Variants in NCAM2 observed in about 807,000 individuals in gnomAD.
NCAM2 encodes the protein neural cell adhesion molecule 2.
Under a neutral mutation model 98.1 loss-of-function variants are expected in NCAM2, and 30 were observed. The observed-to-expected ratio is 0.31, with a 90% CI of 0.23 to 0.41. The LOEUF is 0.41. Among genes scored for constraint, NCAM2 ranks in the 10% least tolerant of loss-of-function variants. The probability of loss-of-function intolerance (pLI) is 1.00; values close to 1 mark genes in which losing one functional copy is unlikely to be tolerated. For synonymous variants in NCAM2, 368 were observed against 342.4 expected (o/e 1.07, Z -0.83); for missense variants, 867 against 1,005.8 (o/e 0.86, Z 1.87).
At chr21:21,428,014 A>G (rs995295190) in intron 11 of NCAM2, among the ~76,000 whole-genome samples, 2 of 152,224 alleles carry the variant, frequency 1.3e-5, no homozygotes, top group African/African-American at 4.8e-5. Context: ...CGATGTGAAA[A>G]GATTAAGTGC....
chr21:21,048,879 GT>G (rs2065049507), intron 1 of NCAM2, among the ~76,000 whole-genome samples: 1 of 152,004 alleles, frequency 6.6e-6, no homozygotes, highest in South Asian at 2.1e-4. Flanking sequence ...ATTCTTCTTT[GT>G]TGGGTTTAAT....
At chr21:21,141,320 A>ATGATGT (rs1257643529) in intron 1 of NCAM2, among the ~76,000 whole-genome samples, 1 of 152,122 alleles carries the variant, frequency 6.6e-6, no homozygotes, top group Non-Finnish European at 1.5e-5. Context: ...GTCTCCTTTA[A>ATGATGT]TGATGTTAGC....
At chr21:21,476,206 A>AT (rs1985149568) in intron 14 of NCAM2, among the ~76,000 whole-genome samples, 2 of 152,122 alleles carry the variant, frequency 1.3e-5, no homozygotes, top group African/African-American at 4.8e-5. Flanking sequence ...GCTGTAATTT[A>AT]TTTATATTTA....
intron 1 of NCAM2, among the ~76,000 whole-genome samples, chr21:21,253,230 C>T (rs577658207): frequency 1.4e-4 from 22 of 152,172 alleles, no homozygotes; most frequent in African/African-American, 2.6e-4. Context: ...AAGTTTCCTA[C>T]GAAATTCATT....
intron 1 of NCAM2, among the ~76,000 whole-genome samples, chr21:21,218,761 A>T (rs2147120635): frequency 6.6e-6 from 1 of 152,284 alleles, no homozygotes; most frequent in South Asian, 2.1e-4. Flanking sequence ...TTAACCTGAT[A>T]AGCTGGGCGC....
chr21:21,153,934 T>C (rs2067528978), intron 1 of NCAM2, among the ~76,000 whole-genome samples: 1 of 151,944 alleles, frequency 6.6e-6, no homozygotes, highest in South Asian at 2.1e-4. Context: ...AAGGGGCATG[T>C]TCAAAGTGTA....
chr21:21,174,764 C>T (rs2068229710), intron 1 of NCAM2, among the ~76,000 whole-genome samples: 1 of 151,454 alleles, frequency 6.6e-6, no homozygotes, highest in Non-Finnish European at 1.5e-5. Context: ...ACCAATAATA[C>T]AATTACAAAT....
chr21:21,268,359 G>C (rs533469221), intron 1 of NCAM2, among the ~76,000 whole-genome samples: 16 of 152,094 alleles, frequency 1.1e-4, no homozygotes, highest in Non-Finnish European at 2.2e-4. Flanking sequence ...CACCACACAG[G>C]AGCCAAGAAT....
chr21:21,382,838 AT>A (rs926460475), intron 9 of NCAM2, among the ~76,000 whole-genome samples: 2,404 of 144,014 alleles, frequency 0.017, 62 homozygotes, highest in African/African-American at 0.055. Flanking sequence ...CCCAAATAGT[AT>A]TTTTTTTTTT....
At chr21:21,169,665 A>G (rs1378349567) in intron 1 of NCAM2, among the ~76,000 whole-genome samples, 1 of 152,156 alleles carries the variant, frequency 6.6e-6, no homozygotes, top group Admixed American at 6.6e-5. Flanking sequence ...AAATATACAG[A>G]CAGCCAGGCA....
chr21:21,404,656 A>C (rs1239805540), intron 9 of NCAM2, among the ~76,000 whole-genome samples: 1 of 151,990 alleles, frequency 6.6e-6, no homozygotes, highest in Admixed American at 6.6e-5. Context: ...TATAGTATGT[A>C]TGTGTATATA....
chr21:21,478,378 A>G (rs1271488710), intron 15 of NCAM2, among the ~76,000 whole-genome samples: 2 of 152,112 alleles, frequency 1.3e-5, no homozygotes, highest in East Asian at 1.9e-4. Flanking sequence ...TTGTCTTATT[A>G]TATTAGAGTA....
intron 1 of NCAM2, among the ~76,000 whole-genome samples, chr21:21,202,144 G>A (rs546563819): frequency 2.0e-5 from 3 of 152,186 alleles, no homozygotes; most frequent in Admixed American, 6.5e-5. Context: ...TTTGGAGCTG[G>A]AATATCAGGG....
chr21:21,420,576 T>C (rs945605622), intron 11 of NCAM2, among the ~76,000 whole-genome samples: 1 of 152,020 alleles, frequency 6.6e-6, no homozygotes, highest in African/African-American at 2.4e-5. Context: ...AATTTTATAT[T>C]AAGTTCAGAA....
chr21:21,110,103 G>A (rs2066425124), intron 1 of NCAM2, among the ~76,000 whole-genome samples: 2 of 152,146 alleles, frequency 1.3e-5, no homozygotes, highest in Non-Finnish European at 2.9e-5. Context: ...AAAAGCCGGG[G>A]TGATGAGTCC....
At chr21:21,137,075 G>A (rs2067072533) in intron 1 of NCAM2, among the ~76,000 whole-genome samples, 1 of 152,026 alleles carries the variant, frequency 6.6e-6, no homozygotes, top group Non-Finnish European at 1.5e-5. Context: ...GGGACTCCTG[G>A]CCTCAAGGAT....
intron 1 of NCAM2, among the ~76,000 whole-genome samples, chr21:21,158,773 T>C (rs2067690719): frequency 6.6e-6 from 1 of 152,146 alleles, no homozygotes. Context: ...ATAGCACATA[T>C]GTTTATATAT....
chr21:21,529,715 G>A (rs1989518446), intron 16 of NCAM2, among the ~76,000 whole-genome samples: 1 of 151,722 alleles, frequency 6.6e-6, no homozygotes, highest in Non-Finnish European at 1.5e-5. Flanking sequence ...CAGGGGCAGA[G>A]TGCATGGACA....
intron 17 of NCAM2, among the ~76,000 whole-genome samples, chr21:21,536,829 C>A (rs1380536608): frequency 6.6e-6 from 1 of 152,160 alleles, no homozygotes; most frequent in African/African-American, 2.4e-5. Flanking sequence ...AAGCACAATT[C>A]ATTGGCATCG....
Sources: allele counts gnomAD v4.1 joint callset (sites outside exome capture counted in the v4.1 genomes callset), GRCh38; gene constraint gnomAD v4.1.1; transcripts MANE v1.5; gene names NCBI Gene and HGNC (gene_info 2026-07-23, HGNC 2026-07-21).